Variants in SCMH1 observed in about 807,000 individuals in gnomAD.
SCMH1 encodes the protein polycomb protein SCMH1.
In SCMH1, 37 loss-of-function variants were observed where a neutral mutation model predicts 70.8. That is an observed-to-expected ratio of 0.52 (90% CI 0.40 to 0.69). The LOEUF is 0.69. SCMH1 is among the 30% of genes least tolerant of loss of function. The probability of loss-of-function intolerance (pLI) is 0.00; values close to 1 mark genes in which losing one functional copy is unlikely to be tolerated. For synonymous variants in SCMH1, 292 were observed against 307.4 expected, an observed-to-expected ratio of 0.95 and a Z score of 0.52; for missense variants, 607 against 827.3, an observed-to-expected ratio of 0.73 and a Z score of 3.27.
chr1:41,199,447 A>G (rs1383331059), intron 1 of SCMH1, among the ~76,000 whole-genome samples: 5 of 152,286 alleles, frequency 3.3e-5, no homozygotes, highest in Admixed American at 6.5e-5. Flanking sequence ...TTGTTTTGTG[A>G]GAGTCATCCA....
At chr1:41,226,885 C>T (rs1660371898) in intron 1 of SCMH1, among the ~76,000 whole-genome samples, 1 of 152,130 alleles carries the variant, frequency 6.6e-6, no homozygotes, top group African/African-American at 2.4e-5. Flanking sequence ...CCGTTGAAAT[C>T]TAAACAATGA....
At chr1:41,064,673 G>A (rs1450978556) in intron 10 of SCMH1, among the ~76,000 whole-genome samples, 4 of 152,178 alleles carry the variant, frequency 2.6e-5, no homozygotes, top group East Asian at 3.9e-4. Flanking sequence ...AATGCTTTGT[G>A]AGGCTGAAGC....
chr1:41,028,391 G>C, intron 14 of SCMH1, 72 bp from the exon 16 acceptor site: 2 of 1,587,330 alleles, frequency 1.3e-6, no homozygotes, highest in Non-Finnish European at 1.7e-6. Context: ...GACCACCCCA[G>C]GTTCTGATTA....
chr1:41,231,324 A>G (rs1372848635), intron 1 of SCMH1, among the ~76,000 whole-genome samples: 1 of 152,236 alleles, frequency 6.6e-6, no homozygotes, highest in Admixed American at 6.5e-5. Flanking sequence ...TCATTTTATG[A>G]AGAAATATGT....
rs1645075185 is a variant in SCMH1 at position 41,151,514 on chromosome 1, G to A, written c.177+100C>T. On this transcript the variant is annotated intron_variant, in intron 5 of 14. Transcript: ENST00000337495. ...ATAGAAGTTTATTCTGGGGCCCTCA[G>A]GTAAGAAGCCCAAGGGCTTCCACCT... is the stretch of plus-strand genomic sequence containing the variant. 5.9e-6 allele frequency: 5 copies of A among 845,314 alleles called. No individual in the cohort carries two copies. The Admixed American group carries it at 9.9e-5, about 17-fold the overall frequency. 52.4% of individuals were successfully genotyped at this position (845,314 alleles called of 1,614,324 possible). A position where few individuals can be genotyped will look rare whatever the true frequency, so the allele number is the denominator to read the frequency against.
chr1:41,163,106 C>T (rs1049294554), intron 2 of SCMH1: 1 of 152,214 alleles, frequency 6.6e-6, no homozygotes, highest in Non-Finnish European at 1.5e-5. Flanking sequence ...GCTGTGACTC[C>T]CTCTTTCCGG....
chr1:41,092,653 A>G (rs923478608), intron 8 of SCMH1, among the ~76,000 whole-genome samples: 10 of 152,234 alleles, frequency 6.6e-5, no homozygotes, highest in Non-Finnish European at 8.8e-5. Context: ...CAGAATCTAC[A>G]AAGAACTTAA....
intron 8 of SCMH1, among the ~76,000 whole-genome samples, chr1:41,080,308 G>A (rs182022137): frequency 1.1e-3 from 161 of 151,848 alleles, no homozygotes; most frequent in African/African-American, 3.7e-3. Flanking sequence ...ATTTAAAGAA[G>A]AAATAATAAC....
intron 6 of SCMH1, among the ~76,000 whole-genome samples, chr1:41,131,517 C>G (rs1456732590): frequency 6.6e-6 from 1 of 152,086 alleles, no homozygotes; most frequent in South Asian, 2.1e-4. Context: ...ATCTCCTAGT[C>G]TGTGGCCTGT....
chr1:41,189,946 G>A (rs1357871168), intron 1 of SCMH1, among the ~76,000 whole-genome samples: 1 of 152,184 alleles, frequency 6.6e-6, no homozygotes. Context: ...CATGCTTCTT[G>A]AACAGAGAAG....
chr1:41,067,789 C>T (rs887529265), intron 10 of SCMH1, among the ~76,000 whole-genome samples: 13 of 152,112 alleles, frequency 8.5e-5, no homozygotes, highest in Non-Finnish European at 2.9e-5. Context: ...AACCCAAATG[C>T]AAACTATGGA....
At chr1:41,028,075 T>A in exon 15 of SCMH1, 1 of 1,265,632 alleles carries the variant, frequency 7.9e-7, no homozygotes, top group African/African-American at 1.5e-5. Flanking sequence ...ACACAGCCTC[T>A]TGGAGTCCTG....
intron 6 of SCMH1, among the ~76,000 whole-genome samples, chr1:41,130,759 A>C (rs564591411): frequency 8.5e-5 from 13 of 152,236 alleles, no homozygotes; most frequent in Non-Finnish European, 1.3e-4. Context: ...TCACTCCTCC[A>C]AAAAGAGGCC....
intron 1 of SCMH1, among the ~76,000 whole-genome samples, chr1:41,191,731 TA>T (rs1651758638): frequency 6.6e-6 from 1 of 152,194 alleles, no homozygotes; most frequent in Non-Finnish European, 1.5e-5. Context: ...TTAACATGCA[TA>T]CAATATATAT....
chr1:41,062,612 G>A (rs770848974), intron 10 of SCMH1, among the ~76,000 whole-genome samples: 4 of 151,970 alleles, frequency 2.6e-5, no homozygotes, highest in African/African-American at 4.8e-5. Flanking sequence ...GGTGGCGCAT[G>A]CCTGTAATCC....
intron 10 of SCMH1, among the ~76,000 whole-genome samples, chr1:41,062,984 A>T (rs1479071934): frequency 6.6e-6 from 1 of 152,078 alleles, no homozygotes. Context: ...TTTGTGGGAT[A>T]GAGCAGAAGC....
At chr1:41,072,109 T>A (rs1289905198) in intron 9 of SCMH1, among the ~76,000 whole-genome samples, 1 of 152,224 alleles carries the variant, frequency 6.6e-6, no homozygotes, top group African/African-American at 2.4e-5. Context: ...GAGATAGCCC[T>A]GATGACAGCA....
chr1:41,139,702 A>T (rs1447173358), intron 6 of SCMH1, among the ~76,000 whole-genome samples: 1 of 152,210 alleles, frequency 6.6e-6, no homozygotes, highest in East Asian at 1.9e-4. Flanking sequence ...ACACACATAC[A>T]CACATAGACA....
At chr1:41,135,405 C>G (rs138701646) in intron 6 of SCMH1, among the ~76,000 whole-genome samples, 3 of 152,252 alleles carry the variant, frequency 2.0e-5, no homozygotes, top group Non-Finnish European at 4.4e-5. Context: ...TTCCCCTATG[C>G]TATTCTCATG....
Sources: gnomAD v4.1 joint callset for allele counts (sites outside exome capture counted in the v4.1 genomes callset) on GRCh38, gnomAD v4.1.1 for gene constraint, MANE v1.5 for transcripts, NCBI Gene and HGNC (gene_info 2026-07-23, HGNC 2026-07-21) for gene names.